Variants in STX6 observed in about 807,000 individuals in gnomAD.
STX6 encodes syntaxin 6, also known as syntaxin-6.
Under a neutral mutation model 38.0 loss-of-function variants are expected in STX6, and 23 were observed. The ratio of observed to expected loss-of-function variants is 0.60; its 90% CI spans 0.43 to 0.86. The LOEUF (loss-of-function observed/expected upper bound fraction) is 0.86, where lower values mean the gene tolerates loss of function less well. Among genes scored for constraint, STX6 ranks in the 40% least tolerant of loss-of-function variants. The probability of loss-of-function intolerance (pLI) is 0.00; values close to 1 mark genes in which losing one functional copy is unlikely to be tolerated. For missense variants in STX6, 274 were observed against 312.9 expected (o/e 0.88, Z 0.94); for synonymous variants, 123 against 107.5 (o/e 1.14, Z -0.89).
chr1:181,008,201 T>C (rs1235689293), intron 1 of STX6, among the ~76,000 whole-genome samples: 1 of 152,222 alleles, frequency 6.6e-6, no homozygotes, highest in African/African-American at 2.4e-5. Flanking sequence ...AATTTTCTTG[T>C]TTTTCTTAGC....
At chr1:180,982,728 T>G (rs1655452710) in intron 7 of STX6, among the ~76,000 whole-genome samples, 1 of 152,196 alleles carries the variant, frequency 6.6e-6, no homozygotes, top group African/African-American at 2.4e-5. Context: ...GTTATACAAT[T>G]CTTCATTAAA....
chr1:181,021,515 C>T (rs1656725854), intron 1 of STX6, among the ~76,000 whole-genome samples: 1 of 152,198 alleles, frequency 6.6e-6, no homozygotes, highest in South Asian at 2.1e-4. Context: ...CAACGGCCAG[C>T]TTGCACCACT....
chr1:181,012,190 T>G (rs1656420804), intron 1 of STX6, among the ~76,000 whole-genome samples: 1 of 152,194 alleles, frequency 6.6e-6, no homozygotes, highest in Non-Finnish European at 1.5e-5. Flanking sequence ...GAATCACATC[T>G]GGCAGCATTT....
At chr1:181,020,747 A>G (rs1229392605) in intron 1 of STX6, among the ~76,000 whole-genome samples, 1 of 151,916 alleles carries the variant, frequency 6.6e-6, no homozygotes, top group South Asian at 2.1e-4. Flanking sequence ...TCACTTCAAC[A>G]CTCATTCATT....
chr1:180,976,507 C>A lies in STX6; in HGVS notation c.*63G>T. On this transcript the variant is annotated 3_prime_UTR_variant, in exon 8 of 8. Transcript: ENST00000258301. ...TGAGTAGACGGCAATGTCACACGTG[C>A]TCAGCTTCTCCTCCTCCCCTCGGTT... 1 of 1,428,300 alleles carries A rather than the reference C, an allele frequency of 7.0e-7. No individual in the cohort carries two copies. 88.5% of individuals were successfully genotyped at this position (1,428,300 alleles called of 1,614,324 possible).
intron 7 of STX6, among the ~76,000 whole-genome samples, chr1:180,984,129 C>T (rs374127168): frequency 2.8e-4 from 36 of 130,824 alleles, no homozygotes; most frequent in African/African-American, 5.5e-4. Context: ...AAACCAAACA[C>T]GGTGGGGGAT....
intron 1 of STX6, among the ~76,000 whole-genome samples, chr1:181,020,168 T>C (rs994907478): frequency 3.3e-5 from 5 of 152,202 alleles, no homozygotes; most frequent in East Asian, 1.9e-4. Flanking sequence ...TGAGCCGTGA[T>C]TGCACCACTG....
chr1:180,998,372 C>T (rs750714005), intron 3 of STX6, among the ~76,000 whole-genome samples: 9 of 152,064 alleles, frequency 5.9e-5, no homozygotes, highest in East Asian at 1.9e-4. Flanking sequence ...GGATCTATGG[C>T]TTTCACTTCT....
rs1218362312 is a variant in STX6, at chr1:180,974,410, T to A, written c.*2160A>T. On this transcript the variant is annotated 3_prime_UTR_variant, in exon 8 of 8. Transcript: ENST00000258301. ...GGTAAGCACGCCGATTTGAAATATA[T>A]CCAAACATCATTAAGCCTCTGGGTC... 2 of 152,652 alleles carry A rather than the reference T, an allele frequency of 1.3e-5. No homozygotes were observed. Among genetic ancestry groups the A allele is most frequent in the Admixed American group, 1.3e-4 (2 of 15,282 alleles). 9.5% of individuals were successfully genotyped at this position (152,652 alleles called of 1,614,324 possible).
Position 181,005,407 on chromosome 1 carries a change from A to G in STX6, c.92T>C (p.Leu31Pro). 6.2e-7 allele frequency: 1 copy of G among 1,613,954 alleles called. No individual in the cohort carries two copies. The highest frequency in any genetic ancestry group is 8.5e-7 in the Non-Finnish European group (1 of 1,179,970). ...TGTTGCTGTGGAGGGGTCCTGGAGG[A>G]GCTCTGTCCATCTCTGAAACAATCC... ...AQGLFQRWTE[L>P]LQDPSTATRE... The change falls in exon 2 of 8, where the codon CTC becomes CCC. Residue 31 changes from leucine (L) to proline (P), a missense_variant. Transcript: ENST00000258301.
intron 6 of STX6, 49 bp downstream of exon 6, chr1:180,988,190 G>T: frequency 1.4e-6 from 2 of 1,400,176 alleles, no homozygotes; most frequent in East Asian, 4.6e-5. Flanking sequence ...TCATAGGATG[G>T]CTCTGCCCCT....
At chr1:180,984,090 A>AACAC (rs1655498651) in intron 7 of STX6, among the ~76,000 whole-genome samples, 1 of 140,060 alleles carries the variant, frequency 7.1e-6, no homozygotes, top group Non-Finnish European at 1.5e-5. Flanking sequence ...AAAAAAAAAA[A>AACAC]CACAACGAAA....
At chr1:180,985,735 A>T (rs1365069846) in intron 6 of STX6, among the ~76,000 whole-genome samples, 2 of 152,228 alleles carry the variant, frequency 1.3e-5, no homozygotes, top group Non-Finnish European at 2.9e-5. Context: ...AGACTTTTCA[A>T]CTTTTGATTA....
chr1:180,996,196 G>T (rs1445488243), intron 3 of STX6, among the ~76,000 whole-genome samples: 2 of 151,774 alleles, frequency 1.3e-5, no homozygotes, highest in African/African-American at 4.8e-5. Context: ...ACATAAAATA[G>T]ATACAAAAAA....
intron 6 of STX6, 137 bp from the exon 7 acceptor site, chr1:180,984,908 T>C: frequency 2.1e-6 from 1 of 482,178 alleles, no homozygotes; most frequent in Non-Finnish European, 3.8e-6. Flanking sequence ...CACTCTGTTA[T>C]CCAAAATCCT....
In STX6 at chr1:181,004,354, AC is replaced by A. The variant is rs1489344792; in HGVS notation, c.205+939del. Among the ~76,000 whole-genome samples, 12 of 152,354 alleles carry A rather than the reference AC, an allele frequency of 7.9e-5. No individual in the cohort carries two copies. In the South Asian group the frequency reaches 1.4e-3, roughly 18 times the overall value. Reference sequence around the variant, plus strand: ...CTGGGGGTTTCTAGATAGCCTCAGGACGAGGGGCTGGTCCCCAGAGAAACCA... The same window carrying A: ...CTGGGGGTTTCTAGATAGCCTCAGGAGAGGGGCTGGTCCCCAGAGAAACCA... On this transcript the variant is annotated intron_variant, in intron 2 of 7. Transcript: ENST00000258301.
rs769247121 is a variant in STX6, at chr1:180,984,769, A to G, written c.599T>C (p.Met200Thr). Residue 200 changes from methionine (M) to threonine (T), a missense_variant and splice_region_variant, in exon 7 of 8, where the codon ATG becomes ACG. Transcript: ENST00000258301. Reference sequence around the variant, plus strand: ...CAATTCGTGAGAGAAATCTTCCAACATACTAGAGAGAAGCAGACACAGAAG... The same window carrying G: ...CAATTCGTGAGAGAAATCTTCCAACGTACTAGAGAGAAGCAGACACAGAAG... ...IGGELEEQAV[M>T]LEDFSHELES... 2 of 1,522,088 alleles carry G rather than the reference A, an allele frequency of 1.3e-6. No homozygotes were observed. Among genetic ancestry groups the G allele is most frequent in the South Asian group, 2.2e-5 (2 of 89,084 alleles). 94.3% of individuals were successfully genotyped at this position (1,522,088 alleles called of 1,614,324 possible).
chr1:181,002,883 T>C (rs112817539), intron 2 of STX6, among the ~76,000 whole-genome samples, 183 bp from the exon 3 acceptor site: 1 of 152,172 alleles, frequency 6.6e-6, no homozygotes, highest in African/African-American at 2.4e-5. Context: ...GAGGATCCCT[T>C]TGCTCCAAGA....
At chr1:180,993,203 C>T (rs1558091319) in intron 4 of STX6, among the ~76,000 whole-genome samples, 160 bp downstream of exon 4, 1 of 152,086 alleles carries the variant, frequency 6.6e-6, no homozygotes, top group Non-Finnish European at 1.5e-5. Context: ...CTGGGACAGG[C>T]TGCCTGGACT....
Sources: allele counts gnomAD v4.1 joint callset (sites outside exome capture counted in the v4.1 genomes callset), GRCh38; gene constraint gnomAD v4.1.1; transcripts MANE v1.5; gene names NCBI Gene and HGNC (gene_info 2026-07-23, HGNC 2026-07-21).